Variants in SEMA3A observed in about 807,000 individuals in gnomAD.
SEMA3A encodes semaphorin 3A.
In SEMA3A, 29 loss-of-function variants were observed where a neutral mutation model predicts 97.9. That is an observed-to-expected ratio of 0.30 (90% CI 0.22 to 0.40). The LOEUF is 0.40. SEMA3A is among the 10% of genes least tolerant of loss of function. The pLI is 1.00. For missense variants in SEMA3A, 763 were observed against 951.3 expected (o/e 0.80, Z 2.60); for synonymous variants, 321 against 323.7 (o/e 0.99, Z 0.09).
chr7:84,001,879 A>G, intron 12 of SEMA3A, 76 bp downstream of exon 12: 1 of 970,774 alleles, frequency 1.0e-6, no homozygotes, highest in Non-Finnish European at 1.6e-6. Context: ...TGTCCATACC[A>G]AGTTCAGTGT....
intron 3 of SEMA3A, among the ~76,000 whole-genome samples, chr7:84,246,683 A>T (rs1343845336): frequency 6.6e-6 from 1 of 152,134 alleles, no homozygotes; most frequent in African/African-American, 2.4e-5. Flanking sequence ...ATGGGAGTAT[A>T]AAATTTGAAT....
chr7:84,182,021 T>C (rs1797749863), intron 1 of SEMA3A, among the ~76,000 whole-genome samples: 1 of 152,166 alleles, frequency 6.6e-6, no homozygotes. Context: ...GACGTCTAGA[T>C]TTCTCAGTCT....
chr7:84,392,490 T>A (rs947392077), intron 1 of SEMA3A, among the ~76,000 whole-genome samples: 1 of 152,188 alleles, frequency 6.6e-6, no homozygotes, highest in African/African-American at 2.4e-5. Flanking sequence ...CTAGATTGAT[T>A]CCATACCTTG....
intron 1 of SEMA3A, among the ~76,000 whole-genome samples, chr7:84,415,720 A>AT (rs1460269441): frequency 6.6e-6 from 1 of 151,840 alleles, no homozygotes; most frequent in Non-Finnish European, 1.5e-5. Flanking sequence ...ATGTTTTGGC[A>AT]TTTTTTCTTA....
At chr7:84,396,112 T>C (rs1803725133) in intron 1 of SEMA3A, among the ~76,000 whole-genome samples, 1 of 151,994 alleles carries the variant, frequency 6.6e-6, no homozygotes, top group Non-Finnish European at 1.5e-5. Context: ...CTGAATTAAG[T>C]GTAATTAAAA....
chr7:84,311,000 T>TTTTATA (rs113455349), intron 2 of SEMA3A, among the ~76,000 whole-genome samples: 30 of 148,604 alleles, frequency 2.0e-4, no homozygotes, highest in Non-Finnish European at 4.5e-4. Context: ...TTAGTAGATG[T>TTTTATA]TATATATATA....
intron 4 of SEMA3A, among the ~76,000 whole-genome samples, chr7:84,070,670 C>G (rs541730519): frequency 6.6e-6 from 1 of 151,884 alleles, no homozygotes; most frequent in East Asian, 1.9e-4. Context: ...CATTTTCTGC[C>G]TTTCTGTTTC....
chr7:84,473,754 T>G (rs372191006), intron 1 of SEMA3A, among the ~76,000 whole-genome samples: 2 of 152,066 alleles, frequency 1.3e-5, no homozygotes, highest in Admixed American at 1.3e-4. Flanking sequence ...GCACAGAAAC[T>G]AACAAAAACA....
Position 83,957,262 on chromosome 7 carries a change from G to C in SEMA3A, c.*4109C>G, listed in dbSNP as rs113386800. 6.6e-6 allele frequency: 1 copy of C among 151,990 alleles called. No individual in the cohort carries two copies. The highest frequency in any genetic ancestry group is 1.5e-5 in the Non-Finnish European group (1 of 67,990). The allele number at this position is 151,990 out of a possible 1,614,324, so 9.4% of individuals were successfully genotyped here. A position where few individuals can be genotyped will look rare whatever the true frequency, so the allele number is the denominator to read the frequency against. On this transcript the variant is annotated 3_prime_UTR_variant, in exon 17 of 17. Transcript: ENST00000265362. Reference sequence around the variant, plus strand: ...GGATTAGATGATGATAAGTCATCTCGCTCTGTTTCCTTAATTTCATTGTGA... The same window carrying C: ...GGATTAGATGATGATAAGTCATCTCCCTCTGTTTCCTTAATTTCATTGTGA...
At chr7:84,482,740 C>A (rs914414368) in intron 1 of SEMA3A, among the ~76,000 whole-genome samples, 5 of 152,150 alleles carry the variant, frequency 3.3e-5, no homozygotes, top group African/African-American at 7.2e-5. Context: ...CCTCTTATAG[C>A]CTCTTCCCAC....
At chr7:84,236,150 T>C in intron 3 of SEMA3A, among the ~76,000 whole-genome samples, 1 of 152,114 alleles carries the variant, frequency 6.6e-6, no homozygotes, top group Non-Finnish European at 1.5e-5. Flanking sequence ...CAATTTTAAG[T>C]GCACCACTGG....
intron 11 of SEMA3A, among the ~76,000 whole-genome samples, chr7:84,004,427 ATTTT>A (rs1029660220): frequency 3.3e-5 from 5 of 151,866 alleles, no homozygotes; most frequent in South Asian, 2.1e-4. Context: ...TTTCTAATGA[ATTTT>A]TTTTCTTTTC....
At chr7:84,174,434 A>G (rs1797497051) in intron 1 of SEMA3A, among the ~76,000 whole-genome samples, 1 of 152,220 alleles carries the variant, frequency 6.6e-6, no homozygotes, top group Non-Finnish European at 1.5e-5. Flanking sequence ...TCCTTATTTC[A>G]GTCTCAACCA....
chr7:84,322,853 G>A (rs1389321183), intron 2 of SEMA3A, among the ~76,000 whole-genome samples: 1 of 152,182 alleles, frequency 6.6e-6, no homozygotes, highest in Non-Finnish European at 1.5e-5. Context: ...CAGGCTTCCT[G>A]AAGGACTTTG....
chr7:84,445,371 G>A (rs1317467832), intron 1 of SEMA3A, among the ~76,000 whole-genome samples: 1 of 151,270 alleles, frequency 6.6e-6, no homozygotes, highest in African/African-American at 2.4e-5. Context: ...GTGTGCACCT[G>A]TAGTCCCAGC....
At chr7:83,990,894 G>A (rs1040719257) in intron 12 of SEMA3A, among the ~76,000 whole-genome samples, 5 of 151,796 alleles carry the variant, frequency 3.3e-5, no homozygotes, top group African/African-American at 4.8e-5. Flanking sequence ...CATTGAATCT[G>A]TAAATTACCT....
At chr7:84,315,290 G>A (rs1351439349) in intron 2 of SEMA3A, among the ~76,000 whole-genome samples, 1 of 151,958 alleles carries the variant, frequency 6.6e-6, no homozygotes, top group African/African-American at 2.4e-5. Context: ...GAAAATCTTA[G>A]TTTCATTAAT....
At chr7:84,012,984 TTA>T (rs1464186430) in intron 7 of SEMA3A, among the ~76,000 whole-genome samples, 2 of 152,140 alleles carry the variant, frequency 1.3e-5, no homozygotes, top group African/African-American at 4.8e-5. Flanking sequence ...CACATGTTAT[TTA>T]TATGTTTTCA....
At chr7:84,410,818 G>T (rs1401546786) in intron 1 of SEMA3A, among the ~76,000 whole-genome samples, 1 of 152,106 alleles carries the variant, frequency 6.6e-6, no homozygotes, top group Non-Finnish European at 1.5e-5. Flanking sequence ...CAAAGTATTT[G>T]TGTTTCTGTA....
Sources: gnomAD v4.1 joint callset for allele counts (sites outside exome capture counted in the v4.1 genomes callset) on GRCh38, gnomAD v4.1.1 for gene constraint, MANE v1.5 for transcripts, NCBI Gene and HGNC (gene_info 2026-07-23, HGNC 2026-07-21) for gene names.